The following GRIK2 variants were observed in gnomAD, a reference collection of about 807,000 sequenced individuals.
The protein encoded by GRIK2 is glutamate ionotropic receptor kainate type subunit 2, also known as glutamate receptor ionotropic, kainate 2.
A neutral mutation model predicts 100.3 loss-of-function variants in GRIK2; 32 were observed. That is an observed-to-expected ratio of 0.32 (90% CI 0.24 to 0.43). The LOEUF (loss-of-function observed/expected upper bound fraction) is 0.43. Among genes scored for constraint, GRIK2 ranks in the 20% least tolerant of loss-of-function variants. The pLI, the probability that GRIK2 is intolerant of heterozygous loss-of-function variation, is 1.00. For synonymous variants in GRIK2, 417 were observed against 389.4 expected (o/e 1.07, Z -0.83); for missense variants, 843 against 1,114.9 (o/e 0.76, Z 3.47).
intron 2 of GRIK2, among the ~76,000 whole-genome samples, chr6:101,413,076 A>G (rs1005129404): frequency 2.0e-5 from 3 of 152,034 alleles, no homozygotes; most frequent in African/African-American, 7.2e-5. Context: ...AATTTTACCT[A>G]TTTCAAGGTA....
intron 2 of GRIK2, among the ~76,000 whole-genome samples, chr6:101,420,289 T>C (rs1399168713): frequency 6.6e-6 from 1 of 152,226 alleles, no homozygotes; most frequent in Non-Finnish European, 1.5e-5. Context: ...TAGTTTTCCA[T>C]GTACACTTTT....
intron 4 of GRIK2, among the ~76,000 whole-genome samples, chr6:101,648,454 G>A (rs1012865217): frequency 1.3e-5 from 2 of 151,986 alleles, no homozygotes; most frequent in African/African-American, 4.8e-5. Flanking sequence ...ACCATGAATT[G>A]TTAGGCCATA....
At chr6:101,962,878 T>C (rs1314850751) in intron 14 of GRIK2, among the ~76,000 whole-genome samples, 1 of 152,064 alleles carries the variant, frequency 6.6e-6, no homozygotes, top group Non-Finnish European at 1.5e-5. Flanking sequence ...CTCTCTGTCT[T>C]GTGATGGCCA....
chr6:101,550,883 T>C (rs1776479775), intron 2 of GRIK2, among the ~76,000 whole-genome samples: 1 of 152,204 alleles, frequency 6.6e-6, no homozygotes, highest in Non-Finnish European at 1.5e-5. Context: ...TGATTTCTAC[T>C]TCTTCACCTA....
intron 2 of GRIK2, among the ~76,000 whole-genome samples, chr6:101,498,455 A>G (rs1293219519): frequency 6.6e-6 from 1 of 151,684 alleles, no homozygotes; most frequent in Non-Finnish European, 1.5e-5. Flanking sequence ...TGACTTCCAC[A>G]ATGGTTGAAC....
intron 2 of GRIK2, among the ~76,000 whole-genome samples, chr6:101,447,440 GAAC>G (rs1770440958): frequency 6.6e-6 from 1 of 151,528 alleles, no homozygotes; most frequent in Admixed American, 6.6e-5. Flanking sequence ...CATATATTTA[GAAC>G]AACAGTTCTC....
chr6:101,682,532 G>A, intron 5 of GRIK2, 21 bp from the exon 6 acceptor site: 1 of 1,063,754 alleles, frequency 9.4e-7, no homozygotes, highest in Non-Finnish European at 1.4e-6. Flanking sequence ...TGTACCTTCA[G>A]TAATTTTTTT....
intron 7 of GRIK2, among the ~76,000 whole-genome samples, chr6:101,797,285 AG>A (rs541251315): frequency 0.012 from 1,807 of 151,620 alleles, 13 homozygotes; most frequent in Non-Finnish European, 0.017. Context: ...TTAATTCACA[AG>A]AGTTAAACAT....
At chr6:101,415,977 A>AAT (rs1211342844) in intron 2 of GRIK2, among the ~76,000 whole-genome samples, 3 of 152,052 alleles carry the variant, frequency 2.0e-5, no homozygotes, top group African/African-American at 7.2e-5. Context: ...AGTCCCTAAT[A>AAT]AGTGCTAGCA....
chr6:101,794,583 T>A (rs942269343), intron 7 of GRIK2, among the ~76,000 whole-genome samples: 3 of 152,184 alleles, frequency 2.0e-5, no homozygotes, highest in African/African-American at 7.2e-5. Context: ...TGTTTGGTTC[T>A]TTTATATGAT....
chr6:101,542,190 G>A (rs1776028720), intron 2 of GRIK2, among the ~76,000 whole-genome samples: 1 of 151,494 alleles, frequency 6.6e-6, no homozygotes, highest in African/African-American at 2.4e-5. Context: ...TTCAAAAGTA[G>A]AACTAATCAT....
chr6:101,679,903 G>A (rs764150554), intron 5 of GRIK2, among the ~76,000 whole-genome samples: 12 of 151,946 alleles, frequency 7.9e-5, no homozygotes, highest in South Asian at 2.1e-4. Flanking sequence ...CACGCCCAGC[G>A]TATTTTTTGT....
chr6:101,729,721 T>G (rs561105678), intron 7 of GRIK2, among the ~76,000 whole-genome samples: 1 of 151,968 alleles, frequency 6.6e-6, no homozygotes, highest in African/African-American at 2.4e-5. Flanking sequence ...ATTCCAATTT[T>G]TCTCATTCTC....
At chr6:101,399,616 G>C (rs1267210283) in intron 2 of GRIK2, among the ~76,000 whole-genome samples, 1 of 152,160 alleles carries the variant, frequency 6.6e-6, no homozygotes, top group Non-Finnish European at 1.5e-5. Flanking sequence ...GTGTGGTAGT[G>C]GTCTCTGCAT....
intron 7 of GRIK2, among the ~76,000 whole-genome samples, chr6:101,702,502 C>T (rs1371985767): frequency 1.3e-5 from 2 of 151,918 alleles, no homozygotes; most frequent in Non-Finnish European, 2.9e-5. Flanking sequence ...GTACATATTT[C>T]ATTAAAAGTA....
intron 10 of GRIK2, among the ~76,000 whole-genome samples, chr6:101,848,801 G>T (rs182319398): frequency 6.6e-6 from 1 of 152,144 alleles, no homozygotes; most frequent in African/African-American, 2.4e-5. Context: ...AAATCATACT[G>T]TATGTGTGCT....
At chr6:101,897,269 A>AT (rs1003320756) in intron 12 of GRIK2, among the ~76,000 whole-genome samples, 1 of 151,038 alleles carries the variant, frequency 6.6e-6, no homozygotes, top group African/African-American at 2.4e-5. Context: ...CAGAATAAAT[A>AT]TTTTTTTGAG....
chr6:101,764,779 A>T (rs1777940423), intron 7 of GRIK2, among the ~76,000 whole-genome samples: 2 of 151,910 alleles, frequency 1.3e-5, no homozygotes. Context: ...CATTCTCCCC[A>T]CTCAGGAAGT....
rs189887354 is a variant in GRIK2, at chr6:101,600,682, G to C, written c.116-21267G>C. Among the ~76,000 whole-genome samples, 3 of 151,718 alleles carry C rather than the reference G, an allele frequency of 2.0e-5. No homozygotes were observed. The East Asian group carries it at 5.8e-4, about 30-fold the overall frequency. On this transcript the variant is annotated intron_variant, in intron 2 of 16. Transcript: ENST00000369134. ...GATTTTTTTTAAGCTAATTGTAAAC[G>C]GGATTGCATTCTTGACTTGGCTCTC...
Sources: gnomAD v4.1 joint callset for allele counts (sites outside exome capture counted in the v4.1 genomes callset) on GRCh38, gnomAD v4.1.1 for gene constraint, MANE v1.5 for transcripts, NCBI Gene and HGNC (gene_info 2026-07-23, HGNC 2026-07-21) for gene names.